Variants in SAMM50 observed in about 807,000 individuals in gnomAD.
SAMM50 encodes the protein SAMM50 sorting and assembly machinery component, also known as sorting and assembly machinery component 50 homolog.
SAMM50 carries 47 observed loss-of-function variants against 66.9 expected under a neutral mutation model. That is an observed-to-expected ratio of 0.70 (90% CI 0.56 to 0.90). SAMM50 has a LOEUF of 0.90. Ranked by LOEUF, SAMM50 falls within the 40% of genes least tolerant of loss-of-function variation. The pLI, the probability that SAMM50 is intolerant of heterozygous loss-of-function variation, is 0.00. For synonymous variants in SAMM50, 191 were observed against 214.1 expected (o/e 0.89, Z 0.94); for missense variants, 535 against 595.3 (o/e 0.90, Z 1.05).
chr22:43,996,312 G>T (rs773562318), intron 14 of SAMM50, 26 bp from the exon 15 acceptor site: 1 of 1,613,790 alleles, frequency 6.2e-7, no homozygotes, highest in South Asian at 1.1e-5. Flanking sequence ...AGCGGCCGCC[G>T]CATCTGATCT....
chr22:43,958,718 C>T (rs9626064), intron 1 of SAMM50, among the ~76,000 whole-genome samples: 8,508 of 152,138 alleles, frequency 0.056, 258 homozygotes, highest in Middle Eastern at 0.078. Flanking sequence ...ACCTTGTGAT[C>T]CACCCGCCTC....
chr22:43,963,975 T>C (rs1243400155), intron 2 of SAMM50, among the ~76,000 whole-genome samples: 2 of 151,890 alleles, frequency 1.3e-5, no homozygotes, highest in Non-Finnish European at 2.9e-5. Context: ...CGGCACAATC[T>C]TGGCTCATTG....
intron 14 of SAMM50, among the ~76,000 whole-genome samples, chr22:43,991,791 G>A (rs2050326180): frequency 6.6e-6 from 1 of 152,230 alleles, no homozygotes; most frequent in Non-Finnish European, 1.5e-5. Context: ...CCTTGCCACT[G>A]TGTCCTCACT....
intron 10 of SAMM50, among the ~76,000 whole-genome samples, chr22:43,979,536 C>T (rs2050251547): frequency 6.6e-6 from 1 of 152,204 alleles, no homozygotes; most frequent in Non-Finnish European, 1.5e-5. Flanking sequence ...GAACCAATGT[C>T]GCGTTCTGAG....
intron 14 of SAMM50, 49 bp from the exon 15 acceptor site, chr22:43,996,289 G>C (rs201946409): frequency 9.4e-6 from 15 of 1,602,450 alleles, no homozygotes; most frequent in Non-Finnish European, 1.3e-5. Flanking sequence ...CGTGAAGATG[G>C]CAGGGCTGGC....
chr22:43,956,420 C>T (rs372806766), intron 1 of SAMM50, among the ~76,000 whole-genome samples: 4 of 152,312 alleles, frequency 2.6e-5, no homozygotes, highest in Admixed American at 1.3e-4. Context: ...GCACAGAAGT[C>T]GCAGCCTGAC....
chr22:43,974,396 G>A (rs148768581), intron 7 of SAMM50, among the ~76,000 whole-genome samples: 1,539 of 152,316 alleles, frequency 0.01, 28 homozygotes, highest in African/African-American at 0.035. Context: ...GTCTCCCAGG[G>A]CCGTTGTGAG....
chr22:43,967,424 C>T (rs139229312), intron 3 of SAMM50, among the ~76,000 whole-genome samples: 6 of 152,316 alleles, frequency 3.9e-5, no homozygotes, highest in South Asian at 2.1e-4. Flanking sequence ...TGCTAAGCGC[C>T]GAGCTGCAGT....
chr22:43,968,035 A>C (rs563290623), intron 3 of SAMM50, among the ~76,000 whole-genome samples: 1 of 151,990 alleles, frequency 6.6e-6, no homozygotes, highest in Non-Finnish European at 1.5e-5. Context: ...CAGCCTGGCC[A>C]ACATGGTGAA....
At chr22:43,985,788 G>A (rs1475000043) in intron 12 of SAMM50, among the ~76,000 whole-genome samples, 2 of 151,982 alleles carry the variant, frequency 1.3e-5, no homozygotes, top group Non-Finnish European at 2.9e-5. Context: ...GAGCTGCCAG[G>A]CGAGCTTCCG....
At position 43,996,461 on chromosome 22, in the gene SAMM50, C is replaced by G. The variant is rs937718666; in HGVS notation, c.*78C>G. On this transcript the variant is annotated 3_prime_UTR_variant, in exon 15 of 15. Transcript: ENST00000350028. The stretch of plus-strand genomic sequence containing the variant: ...TGCCACACACCGTCTCTCGAGGAAA[C>G]GCGGTTCAGCGATTCTTTGACTGCG... 1.5e-6 allele frequency: 2 copies of G among 1,347,088 alleles called. No homozygotes were observed. The highest frequency in any genetic ancestry group is 1.7e-5 in the Admixed American group (1 of 59,440). The allele number at this position is 1,347,088 out of a possible 1,614,324, so 83.4% of individuals were successfully genotyped here. A position where few individuals can be genotyped will look rare whatever the true frequency, so the allele number is the denominator to read the frequency against.
chr22:43,972,664 A>C (rs2050209587), intron 5 of SAMM50, among the ~76,000 whole-genome samples: 1 of 152,224 alleles, frequency 6.6e-6, no homozygotes, highest in African/African-American at 2.4e-5. Context: ...TGTCCCTTGC[A>C]TTAATCAGGT....
intron 1 of SAMM50, 139 bp from the exon 2 acceptor site, chr22:43,963,147 C>G (rs557041238): frequency 5.7e-5 from 32 of 560,576 alleles, no homozygotes; most frequent in Admixed American, 1.3e-4. Context: ...ACTCCCTGGT[C>G]CCTATTCCTG....
At position 43,967,585 on chromosome 22, in the gene SAMM50, C is replaced by T. The variant is rs113677216; in HGVS notation, c.235-1146C>T. ...GCACTGGGCCTGCCTTCACCCTAGC[C>T]CCTGAGGCTGTTGCCAGAGCACCCC... On this transcript the variant is annotated intron_variant, in intron 3 of 14. Transcript: ENST00000350028. Among the ~76,000 whole-genome samples, 1,200 of 152,338 alleles carry T rather than the reference C, an allele frequency of 7.9e-3. 6 individuals are homozygous for T. Among genetic ancestry groups the T allele is most frequent in the Non-Finnish European group, 9.6e-3 (655 of 68,030 alleles).
intron 3 of SAMM50, among the ~76,000 whole-genome samples, chr22:43,965,014 C>T (rs1369963182): frequency 1.9e-4 from 29 of 152,038 alleles, no homozygotes; most frequent in Admixed American, 1.9e-3. Flanking sequence ...CGTTTCTCAT[C>T]TCCACTGTGG....
At chr22:43,970,479 C>T (rs1038292376) in intron 4 of SAMM50, among the ~76,000 whole-genome samples, 10 of 152,182 alleles carry the variant, frequency 6.6e-5, no homozygotes, top group African/African-American at 2.4e-4. Context: ...TTACCCCTCC[C>T]TTTAAGCACC....
chr22:43,964,165 G>A (rs1472762199), intron 2 of SAMM50, among the ~76,000 whole-genome samples: 1 of 152,176 alleles, frequency 6.6e-6, no homozygotes, highest in East Asian at 1.9e-4. Flanking sequence ...GGACAGAGGG[G>A]TTGTCTGTGG....
At chr22:43,985,328 C>T (rs990792162) in intron 12 of SAMM50, among the ~76,000 whole-genome samples, 1 of 151,984 alleles carries the variant, frequency 6.6e-6, no homozygotes, top group African/African-American at 2.4e-5. Context: ...AAAGTGGCTT[C>T]ACTGCGCTAA....
rs558019263 is a variant in SAMM50, at chr22:43,995,153, T to C, written c.1365-1185T>C. ...TGTAATCTTGAAGGGGCTGCAGTCCTGGCTTCTGGTGAGAGGACTGCAGTG... is the reference window on the plus strand; with the variant it reads ...TGTAATCTTGAAGGGGCTGCAGTCCCGGCTTCTGGTGAGAGGACTGCAGTG... On this transcript the variant is annotated intron_variant, in intron 14 of 14. Transcript: ENST00000350028. Among the ~76,000 whole-genome samples, 48 of 152,294 alleles carry C rather than the reference T, an allele frequency of 3.2e-4. No individual in the cohort carries two copies. The Middle Eastern group carries it at 0.014, about 43-fold the overall frequency.
Sources: gnomAD v4.1 joint callset for allele counts (sites outside exome capture counted in the v4.1 genomes callset) on GRCh38, gnomAD v4.1.1 for gene constraint, MANE v1.5 for transcripts, NCBI Gene and HGNC (gene_info 2026-07-23, HGNC 2026-07-21) for gene names.